ZNF385D: variants seen among roughly 807,000 people sequenced by gnomAD.
ZNF385D encodes zinc finger protein 385D.
ZNF385D carries 15 observed loss-of-function variants against 35.8 expected under a neutral mutation model. The ratio of observed to expected loss-of-function variants is 0.42; its 90% CI spans 0.28 to 0.64. The LOEUF (loss-of-function observed/expected upper bound fraction) is 0.64, where lower values mean the gene tolerates loss of function less well. Among genes scored for constraint, ZNF385D ranks in the 30% least tolerant of loss-of-function variants. ZNF385D has a pLI of 0.23. For missense variants in ZNF385D, 474 were observed against 494.6 expected, an observed-to-expected ratio of 0.96 and a Z score of 0.39; for synonymous variants, 212 against 186.8, an observed-to-expected ratio of 1.13 and a Z score of -1.10.
chr3:21,911,074 T>C (rs1031930606), intron 3 of ZNF385D, among the ~76,000 whole-genome samples: 3 of 151,920 alleles, frequency 2.0e-5, no homozygotes, highest in Non-Finnish European at 4.4e-5. Context: ...AGAATATCTA[T>C]GTGTTTTTAA....
chr3:21,736,371 T>C (rs1041672900), intron 1 of ZNF385D, among the ~76,000 whole-genome samples: 2 of 152,212 alleles, frequency 1.3e-5, no homozygotes, highest in African/African-American at 2.4e-5. Flanking sequence ...ATTATTTTTT[T>C]AAAAAGTATG....
chr3:22,061,214 T>A (rs574325190), intron 3 of ZNF385D, among the ~76,000 whole-genome samples: 23 of 152,312 alleles, frequency 1.5e-4, no homozygotes, highest in Middle Eastern at 6.8e-3. Context: ...TCTGAAAACA[T>A]CTCAGCAGTG....
At chr3:22,151,088 G>T (rs549971507) in intron 3 of ZNF385D, among the ~76,000 whole-genome samples, 3 of 152,244 alleles carry the variant, frequency 2.0e-5, no homozygotes, top group East Asian at 3.9e-4. Flanking sequence ...AACATGATTT[G>T]TCTCAACTCT....
chr3:21,761,287 C>T (rs1424816073), intron 3 of ZNF385D, among the ~76,000 whole-genome samples: 1 of 152,226 alleles, frequency 6.6e-6, no homozygotes, highest in Non-Finnish European at 1.5e-5. Flanking sequence ...AATTCCCAAC[C>T]TACAACAACT....
chr3:21,948,996 A>G (rs1223685300), intron 3 of ZNF385D, among the ~76,000 whole-genome samples: 1 of 152,110 alleles, frequency 6.6e-6, no homozygotes, highest in Non-Finnish European at 1.5e-5. Flanking sequence ...GTTTTGCAGT[A>G]TTTCATGTCC....
chr3:21,694,644 G>A (rs2067408261), intron 1 of ZNF385D, among the ~76,000 whole-genome samples: 2 of 152,148 alleles, frequency 1.3e-5, no homozygotes, highest in Non-Finnish European at 2.9e-5. Context: ...TCCCCTGCTT[G>A]GCAACTTGAG....
At chr3:21,494,799 A>G (rs995061384) in intron 4 of ZNF385D, among the ~76,000 whole-genome samples, 9 of 152,174 alleles carry the variant, frequency 5.9e-5, no homozygotes, top group African/African-American at 1.4e-4. Context: ...TCTCATGACT[A>G]GAAATACTGA....
At position 21,646,084 on chromosome 3, in the gene ZNF385D, G is replaced by C. The variant is rs925113331; in HGVS notation, c.165+18802C>G. Among the ~76,000 whole-genome samples, 6 of 152,146 alleles carry C rather than the reference G, an allele frequency of 3.9e-5. No individual in the cohort carries two copies. Among genetic ancestry groups the C allele is most frequent in the Middle Eastern group, 3.4e-3 (1 of 294 alleles). ...TACCTAAAAAGAATGTGGAGGCTGA[G>C]GCCAAAGTGTCAGATAAGTTTTTTT... On this transcript the variant is annotated intron_variant, in intron 2 of 7. Coordinates refer to ENST00000281523, the MANE Select transcript of ZNF385D (RefSeq NM_024697.3). This position sits in a 1 kb window ranked among gnomAD's most constrained non-coding sequence, Gnocchi z 4.3.
At chr3:21,470,069 A>G (rs547988910) in intron 4 of ZNF385D, among the ~76,000 whole-genome samples, 14 of 152,370 alleles carry the variant, frequency 9.2e-5, no homozygotes, top group Admixed American at 5.9e-4. Context: ...ACTGTGTATC[A>G]TATTAGGCAC....
intron 2 of ZNF385D, among the ~76,000 whole-genome samples, chr3:21,608,653 T>A (rs143227034): frequency 6.6e-6 from 1 of 152,204 alleles, no homozygotes; most frequent in Non-Finnish European, 1.5e-5. Context: ...AAAAAATGTC[T>A]ATTAGTTTTG....
intron 4 of ZNF385D, among the ~76,000 whole-genome samples, chr3:21,503,023 G>A (rs1382432568): frequency 6.6e-6 from 1 of 152,124 alleles, no homozygotes; most frequent in Non-Finnish European, 1.5e-5. Flanking sequence ...TTGATAAGAG[G>A]GGCATTTGTA....
At chr3:22,191,939 A>G (rs538804270) in intron 2 of ZNF385D, among the ~76,000 whole-genome samples, 1 of 152,262 alleles carries the variant, frequency 6.6e-6, no homozygotes, top group African/African-American at 2.4e-5. Flanking sequence ...TTCCAGATTC[A>G]TCTAACAAAG....
At chr3:21,451,010 T>C (rs961085406) in intron 4 of ZNF385D, among the ~76,000 whole-genome samples, 3 of 152,288 alleles carry the variant, frequency 2.0e-5, no homozygotes, top group African/African-American at 7.2e-5. Flanking sequence ...AACTTTTTTT[T>C]CAAGATAAGA....
chr3:21,719,363 C>G (rs1575526056), intron 1 of ZNF385D, among the ~76,000 whole-genome samples: 1 of 152,174 alleles, frequency 6.6e-6, no homozygotes, highest in African/African-American at 2.4e-5. Context: ...AGGAACTGAC[C>G]GTGTTCTCTG....
At chr3:22,036,442 G>C (rs114918039) in intron 3 of ZNF385D, among the ~76,000 whole-genome samples, 65 of 151,998 alleles carry the variant, frequency 4.3e-4, no homozygotes, top group Admixed American at 1.1e-3. Flanking sequence ...CAATTGACAA[G>C]AAAACTGACC....
At chr3:21,923,701 T>C (rs1277018121) in intron 3 of ZNF385D, among the ~76,000 whole-genome samples, 1 of 152,216 alleles carries the variant, frequency 6.6e-6, no homozygotes, top group African/African-American at 2.4e-5. Flanking sequence ...ATTATGTTCT[T>C]TGCAGCAACA....
At chr3:21,665,179 G>A (rs753095012) in intron 1 of ZNF385D, 151 bp from the exon 2 acceptor site, 4 of 983,428 alleles carry the variant, frequency 4.1e-6, no homozygotes, top group Non-Finnish European at 5.8e-6. Flanking sequence ...ACCGGCCAAT[G>A]AGCAAATTTG....
intron 3 of ZNF385D, among the ~76,000 whole-genome samples, chr3:22,007,392 GGATAT>G (rs1326516679): frequency 6.6e-6 from 1 of 152,118 alleles, no homozygotes; most frequent in African/African-American, 2.4e-5. Context: ...AGACTTTTAT[GGATAT>G]TTATTTAGTT....
intron 1 of ZNF385D, among the ~76,000 whole-genome samples, chr3:21,695,977 A>C (rs921314530): frequency 6.6e-6 from 1 of 152,090 alleles, no homozygotes; most frequent in Non-Finnish European, 1.5e-5. Context: ...CCATATATGA[A>C]TTCTCATCAT....
Sources: gnomAD v4.1 joint callset for allele counts (sites outside exome capture counted in the v4.1 genomes callset) on GRCh38, gnomAD v4.1.1 for gene constraint, Gnocchi (gnomAD v3.1) non-coding constraint, MANE v1.5 for transcripts, NCBI Gene and HGNC (gene_info 2026-07-23, HGNC 2026-07-21) for gene names.